The following LAMB1 variants were observed in gnomAD, a reference collection of about 807,000 sequenced individuals.
LAMB1 encodes laminin subunit beta 1.
LAMB1 carries 121 observed loss-of-function variants against 222.3 expected under a neutral mutation model. The ratio of observed to expected loss-of-function variants is 0.54; its 90% CI spans 0.47 to 0.63. LAMB1 has a LOEUF of 0.63. Among genes scored for constraint, LAMB1 ranks in the 30% least tolerant of loss-of-function variants. The probability of loss-of-function intolerance (pLI) is 0.00; values close to 1 mark genes in which losing one functional copy is unlikely to be tolerated. For missense variants in LAMB1, 2,172 were observed against 2,240.8 expected (o/e 0.97, Z 0.62); for synonymous variants, 794 against 807.2 (o/e 0.98, Z 0.28).
Position 107,959,786 on chromosome 7 carries a change from T to C in LAMB1, c.2363A>G (p.Asn788Ser), listed in dbSNP as rs774101766. Residue 788 changes from asparagine (N) to serine (S), a missense_variant, in exon 19 of 34, where the codon AAC becomes AGC. Transcript: ENST00000222399. ...QGSLSSVCDP[N>S]GGQCQCRPNV... is the part of the protein sequence containing the mutation. ...GGGCCGGCACTGGCACTGGCCTCCG[T>C]TGGGATCACACACGGAACTTAACGA... The C allele has an allele frequency of 7.4e-6, 12 of 1,613,962 alleles. No individual in the cohort carries two copies. The highest frequency in any genetic ancestry group is 1.6e-4 in the Middle Eastern group (1 of 6,084).
Position 107,926,281 on chromosome 7 carries a change from C to G in LAMB1, c.4966G>C (p.Glu1656Gln). The G allele has an allele frequency of 6.2e-7, 1 of 1,613,998 alleles. No individual in the cohort carries two copies. The highest frequency in any genetic ancestry group is 8.5e-7 in the Non-Finnish European group (1 of 1,179,872). The part of the protein sequence containing the change: ...QRISELERNV[E>Q]ELKRKAAQNS... The stretch of plus-strand genomic sequence containing the variant: ...TGGGCAGCTTTCCGCTTAAGTTCTT[C>G]CACATTCCTCTCTAACTCGCTGATG... The change falls in exon 32 of 34, where the codon GAA becomes CAA. Residue 1656 changes from glutamate to glutamine, a missense_variant. Physicochemically the swap from Glu to Gln is conservative, Grantham distance 29. Transcript: ENST00000222399.
Position 107,986,422 on chromosome 7 carries a change from T to A in LAMB1, c.424-59A>T, listed in dbSNP as rs1040923696. The A allele has an allele frequency of 6.3e-6, 9 of 1,433,808 alleles. No individual in the cohort carries two copies. The African/African-American group carries it at 7.1e-5, about 11-fold the overall frequency. The allele number at this position is 1,433,808 out of a possible 1,614,324, so 88.8% of individuals were successfully genotyped here. A position where few individuals can be genotyped will look rare whatever the true frequency, so the allele number is the denominator to read the frequency against. On this transcript the variant is annotated intron_variant, in intron 5 of 33. Coordinates refer to ENST00000222399, the MANE Select transcript of LAMB1 (RefSeq NM_002291.3). ...TTTTATTGGTAGTCTCTACTTTTTT[T>A]AATCTCAGGTAAAAATGTCACTCAA...
At chr7:107,964,037 T>C (rs1296295261) in intron 14 of LAMB1, among the ~76,000 whole-genome samples, 3 of 152,224 alleles carry the variant, frequency 2.0e-5, no homozygotes, top group South Asian at 2.1e-4. Flanking sequence ...GCGGAGGTTG[T>C]GGTGAGCTGA....
intron 5 of LAMB1, among the ~76,000 whole-genome samples, chr7:107,991,712 C>T (rs1284593062): frequency 1.3e-5 from 2 of 152,002 alleles, no homozygotes; most frequent in African/African-American, 4.8e-5. Context: ...AGTTCAAGAC[C>T]AGCCTGGCCA....
chr7:108,002,331 C>T (rs1009281554), intron 2 of LAMB1: 2 of 1,314,586 alleles, frequency 1.5e-6, no homozygotes, highest in Non-Finnish European at 2.0e-6. Context: ...CCCTGGGGCT[C>T]TGGAGTGGTT....
rs1584527914 is a variant in LAMB1, at chr7:107,980,626, C to T, written c.862G>A (p.Glu288Lys). ...SECAPVDGFN[E>K]EVEGMVHGHC... is the part of the protein sequence containing the mutation. ...TTACTTACCATTCCTTCCACTTCTT[C>T]ATTGAATCCATCCACAGGGGCACAT... The change falls in exon 8 of 34, where the codon GAA (glutamate) becomes AAA (lysine). Residue 288 changes from glutamate (E) to lysine (K), a missense_variant. Physicochemically the swap from Glu to Lys is moderately conservative, Grantham distance 56. Coordinates refer to ENST00000222399, the MANE Select transcript of LAMB1 (RefSeq NM_002291.3). 11 of 1,613,956 alleles carry T rather than the reference C, an allele frequency of 6.8e-6. No individual in the cohort carries two copies. The highest frequency in any genetic ancestry group is 9.3e-6 in the Non-Finnish European group (11 of 1,179,914).
At position 107,953,572 on chromosome 7, in the gene LAMB1, G is replaced by A. The variant is rs767303427; in HGVS notation, c.3037C>T (p.Arg1013Trp). The change falls in exon 22 of 34, where the codon CGG becomes TGG. Residue 1013 changes from arginine to tryptophan, a missense_variant. Arg to Trp is a moderately radical substitution (Grantham distance 101). Coordinates refer to ENST00000222399, the MANE Select transcript of LAMB1 (RefSeq NM_002291.3). ...HTEGEHCQFC[R>W]FGYYGDALQQ... ...AGGGCATCACCATAGTATCCAAACC[G>A]GCAGAACTGACAGTGTTCCCCTTCC... The A allele has an allele frequency of 6.2e-6, 10 of 1,614,116 alleles. No homozygotes were observed. The highest frequency in any genetic ancestry group is 1.6e-4 in the Middle Eastern group (1 of 6,062).
chr7:107,962,980 C>T lies in LAMB1; in HGVS notation c.1782G>A (p.Gly594=), dbSNP rs774931133. The part of the protein sequence containing the change: ...TGAGFVRVPE[G]AYLEFFIDNI... ...TGTCAATGAAAAACTCCAAATAAGCCCCTTCAGGCACTCGGACGAAGCCGG... is the reference window on the plus strand; with the variant it reads ...TGTCAATGAAAAACTCCAAATAAGCTCCTTCAGGCACTCGGACGAAGCCGG... Residue 594 remains glycine (G), a synonymous_variant, in exon 15 of 34, where the codon GGG becomes GGA. Transcript: ENST00000222399. 22 of 1,613,804 alleles carry T rather than the reference C, an allele frequency of 1.4e-5. No individual in the cohort carries two copies. Among genetic ancestry groups the T allele is most frequent in the South Asian group, 3.3e-5 (3 of 91,054 alleles).
chr7:107,937,877 TAAG>T (rs143251028), intron 25 of LAMB1, among the ~76,000 whole-genome samples: 5,448 of 152,270 alleles, frequency 0.036, 165 homozygotes, highest in East Asian at 0.08. Flanking sequence ...AAGAATGAAA[TAAG>T]AAGATTTAGC....
intron 4 of LAMB1, among the ~76,000 whole-genome samples, chr7:107,996,233 T>C (rs756223827): frequency 2.0e-4 from 31 of 152,208 alleles, no homozygotes; most frequent in Non-Finnish European, 4.0e-4. Flanking sequence ...GAACATATGC[T>C]GCAATGTGTG....
At chr7:107,946,628 G>A (rs186540618) in intron 24 of LAMB1, among the ~76,000 whole-genome samples, 34 of 152,346 alleles carry the variant, frequency 2.2e-4, no homozygotes, top group African/African-American at 7.7e-4. Context: ...TACCTCTTCT[G>A]AGAACACATT....
chr7:107,962,316 G>A (rs2033522896), intron 15 of LAMB1, among the ~76,000 whole-genome samples: 1 of 152,212 alleles, frequency 6.6e-6, no homozygotes, highest in African/African-American at 2.4e-5. Context: ...GCCAGGTTGT[G>A]AGGGAAGGAG....
At chr7:107,983,158 AC>A (rs1314310916) in intron 7 of LAMB1, among the ~76,000 whole-genome samples, 1 of 152,210 alleles carries the variant, frequency 6.6e-6, no homozygotes, top group Non-Finnish European at 1.5e-5. Flanking sequence ...TAAATTACAG[AC>A]CAGAGACAGG....
chr7:107,973,771 G>A (rs1395585604), intron 12 of LAMB1, among the ~76,000 whole-genome samples: 1 of 151,966 alleles, frequency 6.6e-6, no homozygotes, highest in Non-Finnish European at 1.5e-5. Flanking sequence ...TTAGCCTCCC[G>A]AGTAGCTGGG....
chr7:108,001,815 G>A (rs1490326165), intron 2 of LAMB1, 82 bp from the exon 3 acceptor site: 2 of 1,571,368 alleles, frequency 1.3e-6, no homozygotes, highest in African/African-American at 2.7e-5. Context: ...GGGGGCGGGG[G>A]AGTGGGTGCG....
intron 27 of LAMB1, among the ~76,000 whole-genome samples, chr7:107,935,026 G>C (rs1456623164): frequency 6.6e-6 from 1 of 151,934 alleles, no homozygotes; most frequent in African/African-American, 2.4e-5. Context: ...AGACTAGCCT[G>C]AGCAATGTAG....
At chr7:107,961,356 A>G in intron 16 of LAMB1, 27 bp from the exon 17 acceptor site, 1 of 1,610,750 alleles carries the variant, frequency 6.2e-7, no homozygotes, top group South Asian at 1.1e-5. Context: ...AAGAAAGACA[A>G]CAACGAAAGT....
At chr7:107,960,360 G>A (rs1032501004) in intron 18 of LAMB1, 85 bp downstream of exon 18, 54 of 940,860 alleles carry the variant, frequency 5.7e-5, no homozygotes, top group Non-Finnish European at 6.9e-5. Context: ...ACAGGGCTAG[G>A]GGGTGGGCAC....
chr7:107,950,824 C>A (rs1228391720), intron 24 of LAMB1, among the ~76,000 whole-genome samples: 1 of 152,114 alleles, frequency 6.6e-6, no homozygotes, highest in Admixed American at 6.5e-5. Flanking sequence ...CCACAAAATA[C>A]TGTTCAGAGG....
Sources: gnomAD v4.1 joint callset for allele counts (sites outside exome capture counted in the v4.1 genomes callset) on GRCh38, gnomAD v4.1.1 for gene constraint, MANE v1.5 for transcripts, NCBI Gene and HGNC (gene_info 2026-07-23, HGNC 2026-07-21) for gene names.